SLC13A4: variants seen among roughly 807,000 people sequenced by gnomAD.
The protein encoded by SLC13A4 is solute carrier family 13 member 4.
A neutral mutation model predicts 72.7 loss-of-function variants in SLC13A4; 28 were observed. The observed-to-expected ratio is 0.39, with a 90% CI of 0.29 to 0.53. SLC13A4 has a LOEUF of 0.53. Among genes scored for constraint, SLC13A4 ranks in the 20% least tolerant of loss-of-function variants. The probability of loss-of-function intolerance (pLI) is 0.78; values close to 1 mark genes in which losing one functional copy is unlikely to be tolerated. For missense variants in SLC13A4, 653 were observed against 788.0 expected, an observed-to-expected ratio of 0.83 and a Z score of 2.05; for synonymous variants, 312 against 325.5, an observed-to-expected ratio of 0.96 and a Z score of 0.45.
chr7:135,695,072 G>A (rs4131442), intron 9 of SLC13A4, among the ~76,000 whole-genome samples: 40,254 of 152,082 alleles, frequency 0.26, 5,871 homozygotes, highest in Middle Eastern at 0.46. Context: ...GCAATAAAAC[G>A]ACATTAAATA....
chr7:135,694,955 A>T (rs879725108), intron 9 of SLC13A4, among the ~76,000 whole-genome samples: 16 of 152,358 alleles, frequency 1.1e-4, no homozygotes, highest in Admixed American at 9.8e-4. Flanking sequence ...TACTAAGTAT[A>T]AATCACCCAT....
At chr7:135,720,686 CTGTTTTGTTT>C in intron 2 of SLC13A4, among the ~76,000 whole-genome samples, 1 of 151,420 alleles carries the variant, frequency 6.6e-6, no homozygotes, top group South Asian at 2.1e-4. Context: ...CAGGTTCTGG[CTGTTTTGTTT>C]TGTTTTGTTT....
At chr7:135,714,185 A>G (rs1796365141) in intron 2 of SLC13A4, among the ~76,000 whole-genome samples, 1 of 152,262 alleles carries the variant, frequency 6.6e-6, no homozygotes, top group Admixed American at 6.5e-5. Flanking sequence ...AAAAGGTTTC[A>G]TTGCTTAAAA....
intron 12 of SLC13A4, 39 bp from the exon 13 acceptor site, chr7:135,691,364 T>G (rs1270175671): frequency 2.6e-6 from 4 of 1,512,510 alleles, no homozygotes; most frequent in Admixed American, 1.8e-5. Flanking sequence ...TAAACCCTGA[T>G]GGACGTGATT....
At position 135,699,462 on chromosome 7, in the gene SLC13A4, C is replaced by G; in HGVS notation, c.801G>C (p.Lys267Asn). Residue 267 changes from lysine (K) to asparagine (N), a missense_variant, in exon 8 of 16, where the codon AAG (lysine) becomes AAC (asparagine). By Grantham distance (94) the Lys-to-Asn change is moderately conservative. Coordinates refer to ENST00000682651, the MANE Select transcript of SLC13A4 (RefSeq NM_001318192.2). ...AGTAGGATATGCTCAGGGAGAGGCA[C>G]TTGCAGATCATCTGGTCATGGTGGG... The part of the protein sequence containing the change: ...YRSHHDQMIC[K>N]CLSLSISYSA... 1 of 1,613,300 alleles carries G rather than the reference C, an allele frequency of 6.2e-7. No homozygotes were observed. The highest frequency in any genetic ancestry group is 1.3e-5 in the African/African-American group (1 of 75,040).
At chr7:135,701,056 A>G (rs1458220636) in intron 7 of SLC13A4, among the ~76,000 whole-genome samples, 1 of 152,198 alleles carries the variant, frequency 6.6e-6, no homozygotes, top group Non-Finnish European at 1.5e-5. Flanking sequence ...TTATGATTTC[A>G]TCTCTGCCTT....
In SLC13A4 at chr7:135,727,423, G is replaced by A. The variant is rs1563175159; in HGVS notation, c.74C>T (p.Pro25Leu). Residue 25 changes from proline (P) to leucine (L), a missense_variant, in exon 1 of 16, where the codon CCT (proline) becomes CTT (leucine). Pro to Leu is a moderately conservative substitution (Grantham distance 98). Transcript: ENST00000682651. ...GCTGCTGGGGTGGAGGACGGGCAGAGGCAGCAGCAGGAGCGGGACGCAGAC... is the reference window on the plus strand; with the variant it reads ...GCTGCTGGGGTGGAGGACGGGCAGAAGCAGCAGCAGGAGCGGGACGCAGAC... ...LVVCVPLLLL[P>L]LPVLHPSSEA... 1.9e-6 allele frequency: 3 copies of A among 1,549,866 alleles called. No individual in the cohort carries two copies.
At chr7:135,683,740 A>C (rs1795558208) in intron 15 of SLC13A4, 2 of 985,298 alleles carry the variant, frequency 2.0e-6, no homozygotes. Flanking sequence ...AGGTTCATAC[A>C]CTTCCTCATT....
In SLC13A4 at chr7:135,702,049, T is replaced by A. The variant is rs572735556; in HGVS notation, c.634-289A>T. The A allele has an allele frequency of 9.8e-5, 26 of 264,550 alleles. No individual in the cohort carries two copies. The East Asian group carries it at 1.7e-3, about 17-fold the overall frequency. The allele number at this position is 264,550 out of a possible 1,614,324, so 16.4% of individuals were successfully genotyped here. ...CTTTATTAGCTAATGAAGAACCCTT[T>A]ATATATAAGATGAAAAAAAAGAAAA... On this transcript the variant is annotated intron_variant, in intron 6 of 15. Coordinates refer to ENST00000682651, the MANE Select transcript of SLC13A4 (RefSeq NM_001318192.2).
chr7:135,699,443 A>G lies in SLC13A4; in HGVS notation c.820T>C (p.Ser274Pro). The G allele has an allele frequency of 6.2e-7, 1 of 1,613,522 alleles. No individual in the cohort carries two copies. Among genetic ancestry groups the G allele is most frequent in the Non-Finnish European group, 8.5e-7 (1 of 1,179,778 alleles). The change falls in exon 8 of 16, where the codon TCC becomes CCC. Residue 274 changes from serine to proline, a missense_variant. Physicochemically the swap from Ser to Pro is moderately conservative, Grantham distance 74. Transcript: ENST00000682651. ...AGGCCGCCAATGGTAGCGGAGTAGG[A>G]TATGCTCAGGGAGAGGCACTTGCAG... The part of the protein sequence containing the change: ...MICKCLSLSI[S>P]YSATIGGLTT...
intron 8 of SLC13A4, among the ~76,000 whole-genome samples, chr7:135,697,395 G>T (rs1795926558): frequency 6.6e-6 from 1 of 152,082 alleles, no homozygotes; most frequent in Non-Finnish European, 1.5e-5. Context: ...AGGCAGACAC[G>T]GCCTTTCCCT....
In SLC13A4 at chr7:135,722,573, A is replaced by T. The variant is rs116454118; in HGVS notation, c.100-1050T>A. Among the ~76,000 whole-genome samples the T allele has an allele frequency of 8.5e-3, 1,269 of 149,702 alleles. 8 individuals are homozygous for T. Among genetic ancestry groups the T allele is most frequent in the African/African-American group, 0.023 (916 of 40,390 alleles). On this transcript the variant is annotated intron_variant, in intron 1 of 15. Transcript: ENST00000682651. ...TTTGTTCTCATTTGATTCATATACG[A>T]ACATTACATGTGAGATTTGAAAAAA...
chr7:135,727,960 C>T lies in SLC13A4; in HGVS notation c.-464G>A, dbSNP rs1172884592. The T allele has an allele frequency of 6.5e-6, 1 of 153,012 alleles. No individual in the cohort carries two copies. Among genetic ancestry groups the T allele is most frequent in the African/African-American group, 2.4e-5 (1 of 41,492 alleles). 9.5% of individuals were successfully genotyped at this position (153,012 alleles called of 1,614,324 possible). On this transcript the variant is annotated 5_prime_UTR_variant, in exon 1 of 16. Coordinates refer to ENST00000682651, the MANE Select transcript of SLC13A4 (RefSeq NM_001318192.2). ...CATCAGTTTTCCTCCCTCGGATGAC[C>T]TATTTTGGGGAGTACCTGTTTCATC...
chr7:135,684,024 G>A, intron 15 of SLC13A4, 100 bp downstream of exon 15: 3 of 1,369,876 alleles, frequency 2.2e-6, no homozygotes, highest in Non-Finnish European at 3.0e-6. Flanking sequence ...TGACAGGCCA[G>A]GGACACTGCT....
intron 13 of SLC13A4, among the ~76,000 whole-genome samples, 195 bp downstream of exon 13, chr7:135,691,006 A>G (rs746838993): frequency 8.5e-5 from 13 of 152,086 alleles, no homozygotes; most frequent in Non-Finnish European, 1.5e-4. Flanking sequence ...CTCTACTAAA[A>G]ATACAAAAAC....
intron 13 of SLC13A4, among the ~76,000 whole-genome samples, chr7:135,690,937 G>T (rs1334466632): frequency 2.0e-5 from 3 of 152,208 alleles, no homozygotes; most frequent in Non-Finnish European, 2.9e-5. Context: ...GGCCGAGGCA[G>T]GTGGATCACT....
At chr7:135,707,758 C>T (rs568778422) in intron 3 of SLC13A4, 1 of 176,190 alleles carries the variant, frequency 5.7e-6, no homozygotes, top group African/African-American at 2.3e-5. Context: ...AAGGAGAAGA[C>T]AGCCACTTCC....
intron 2 of SLC13A4, among the ~76,000 whole-genome samples, chr7:135,713,892 C>T (rs1287340545): frequency 6.6e-6 from 1 of 152,186 alleles, no homozygotes; most frequent in African/African-American, 2.4e-5. Flanking sequence ...AACAATTTTG[C>T]AGTGAAATTC....
rs1270301815 is a variant in SLC13A4, at chr7:135,708,239, C to G, written c.240G>C (p.Glu80Asp). The G allele has an allele frequency of 3.7e-6, 6 of 1,614,212 alleles. No individual in the cohort carries two copies. The highest frequency in any genetic ancestry group is 5.1e-6 in the Non-Finnish European group (6 of 1,180,014). ...GVLRSNEVAAEYFKNTTLLLV... is the reference protein window; with the variant it reads ...GVLRSNEVAADYFKNTTLLLV... ...GCAGCAGCGTGGTGTTCTTGAAGTA[C>G]TCCGCCGCCACCTGTAGGGAGGCCA... The change falls in exon 3 of 16, where the codon GAG (glutamate) becomes GAC (aspartate). Residue 80 changes from glutamate (E) to aspartate (D), a missense_variant. Coordinates refer to ENST00000682651, the MANE Select transcript of SLC13A4 (RefSeq NM_001318192.2).
Sources: gnomAD v4.1 joint callset for allele counts (sites outside exome capture counted in the v4.1 genomes callset) on GRCh38, gnomAD v4.1.1 for gene constraint, MANE v1.5 for transcripts, NCBI Gene and HGNC (gene_info 2026-07-23, HGNC 2026-07-21) for gene names.